The following SCFD1 variants were observed in gnomAD, a reference collection of about 807,000 sequenced individuals.
The protein encoded by SCFD1 is sec1 family domain containing 1.
A neutral mutation model predicts 103.2 loss-of-function variants in SCFD1; 37 were observed. That is an observed-to-expected ratio of 0.36 (90% CI 0.28 to 0.47). The LOEUF (loss-of-function observed/expected upper bound fraction) is 0.47, where lower values mean the gene tolerates loss of function less well. Among genes scored for constraint, SCFD1 ranks in the 20% least tolerant of loss-of-function variants. SCFD1 has a pLI of 1.00. For missense variants in SCFD1, 639 were observed against 761.2 expected (o/e 0.84, Z 1.89); for synonymous variants, 264 against 245.0 (o/e 1.08, Z -0.73).
At chr14:30,644,707 G>A (rs1295406232) in intron 7 of SCFD1, among the ~76,000 whole-genome samples, 1 of 151,842 alleles carries the variant, frequency 6.6e-6, no homozygotes. Flanking sequence ...GGTTGTTTTT[G>A]CTTGTCGATT....
intron 23 of SCFD1, among the ~76,000 whole-genome samples, chr14:30,731,755 T>C (rs1302233992): frequency 6.6e-6 from 1 of 152,214 alleles, no homozygotes; most frequent in Non-Finnish European, 1.5e-5. Flanking sequence ...GATTTTGGGC[T>C]GAGATAATGG....
intron 23 of SCFD1, among the ~76,000 whole-genome samples, chr14:30,723,773 C>A (rs1419825718): frequency 6.6e-6 from 1 of 151,934 alleles, no homozygotes; most frequent in Non-Finnish European, 1.5e-5. Context: ...ATATATGTAC[C>A]ACATTTTCTT....
intron 7 of SCFD1, among the ~76,000 whole-genome samples, chr14:30,649,168 A>C (rs1886158312): frequency 6.6e-6 from 1 of 152,060 alleles, no homozygotes. Flanking sequence ...TTGAAATTAT[A>C]AATCCTTTTA....
chr14:30,646,445 G>T (rs899092113), intron 7 of SCFD1, among the ~76,000 whole-genome samples: 14 of 151,832 alleles, frequency 9.2e-5, no homozygotes, highest in Non-Finnish European at 4.4e-5. Context: ...TGATTTGCAT[G>T]TGTTGAATCA....
At chr14:30,722,097 A>G (rs1215754955) in intron 22 of SCFD1, among the ~76,000 whole-genome samples, 180 bp downstream of exon 22, 4 of 152,186 alleles carry the variant, frequency 2.6e-5, no homozygotes, top group Non-Finnish European at 1.5e-5. Flanking sequence ...GCTTAAAAAT[A>G]ACGGACAATT....
intron 3 of SCFD1, among the ~76,000 whole-genome samples, chr14:30,632,701 G>A (rs1469376419): frequency 6.6e-6 from 1 of 152,186 alleles, no homozygotes; most frequent in African/African-American, 2.4e-5. Context: ...AAGGACTGAA[G>A]TTTAGAAGGC....
intron 10 of SCFD1, among the ~76,000 whole-genome samples, chr14:30,666,143 A>G (rs558334534): frequency 6.6e-6 from 1 of 152,326 alleles, no homozygotes; most frequent in African/African-American, 2.4e-5. Flanking sequence ...AAAACTGACC[A>G]CATAGTTGGT....
At chr14:30,719,479 T>C in intron 21 of SCFD1, 102 bp downstream of exon 21, 3 of 767,656 alleles carry the variant, frequency 3.9e-6, no homozygotes, top group Non-Finnish European at 4.3e-6. Context: ...CCAAACTATA[T>C]GGAAAACTCG....
At chr14:30,693,532 G>C (rs1320930563) in intron 14 of SCFD1, among the ~76,000 whole-genome samples, 2 of 152,140 alleles carry the variant, frequency 1.3e-5, no homozygotes, top group South Asian at 2.1e-4. Context: ...TTAGTCTACT[G>C]TTTAGATGTT....
chr14:30,670,453 A>G, intron 11 of SCFD1, 58 bp downstream of exon 11: 1 of 1,255,262 alleles, frequency 8.0e-7, no homozygotes, highest in Non-Finnish European at 1.1e-6. Context: ...TTAAGGTGTC[A>G]TCCACCTTAA....
intron 10 of SCFD1, among the ~76,000 whole-genome samples, chr14:30,664,585 A>G (rs1347998822): frequency 1.3e-5 from 2 of 151,986 alleles, no homozygotes; most frequent in African/African-American, 4.8e-5. Flanking sequence ...GTCGATAATA[A>G]CAAGTTTCTC....
chr14:30,733,024 G>GAGAC (rs1893589916), intron 23 of SCFD1, among the ~76,000 whole-genome samples: 1 of 98,092 alleles, frequency 1.0e-5, no homozygotes, highest in Non-Finnish European at 2.0e-5. Flanking sequence ...TTTTTTTTTT[G>GAGAC]AGACAGAGTC....
intron 15 of SCFD1, among the ~76,000 whole-genome samples, chr14:30,698,799 T>C (rs1890875234): frequency 6.6e-6 from 1 of 152,094 alleles, no homozygotes; most frequent in African/African-American, 2.4e-5. Flanking sequence ...AGGAAGGAGC[T>C]CAGGAAAGTA....
chr14:30,693,162 C>T (rs1890441518), intron 14 of SCFD1, among the ~76,000 whole-genome samples: 1 of 152,084 alleles, frequency 6.6e-6, no homozygotes, highest in South Asian at 2.1e-4. Flanking sequence ...GAATCCTCTA[C>T]ATGCTGATGT....
In SCFD1 at chr14:30,694,840, C is replaced by G; in HGVS notation, c.1310C>G (p.Ser437Cys). The G allele has an allele frequency of 6.3e-7, 1 of 1,585,818 alleles. No homozygotes were observed. The highest frequency in any genetic ancestry group is 8.5e-7 in the Non-Finnish European group (1 of 1,171,358). ...KIMSKTTLDK[S>C]LLDIISDPDA... Reference sequence around the variant, plus strand: ...ATGAGCAAAACTACTCTGGATAAATCTCTTCTAGATATAATATCAGACCCT... The same window carrying G: ...ATGAGCAAAACTACTCTGGATAAATGTCTTCTAGATATAATATCAGACCCT... Residue 437 changes from serine to cysteine, a missense_variant, in exon 15 of 25, where the codon TCT becomes TGT. Ser to Cys is a moderately radical substitution (Grantham distance 112). Coordinates refer to ENST00000458591, the MANE Select transcript of SCFD1 (RefSeq NM_016106.4).
At chr14:30,684,106 C>A (rs1254999048) in intron 14 of SCFD1, among the ~76,000 whole-genome samples, 1 of 152,158 alleles carries the variant, frequency 6.6e-6, no homozygotes, top group Non-Finnish European at 1.5e-5. Flanking sequence ...TCTTTTGTGT[C>A]CTTTCTTGGT....
Position 30,710,332 on chromosome 14 carries a change from TAAAAAAA to T in SCFD1, c.1629+2284_1629+2290del, listed in dbSNP as rs397853428. Among the ~76,000 whole-genome samples, 26 of 82,026 alleles carry T rather than the reference TAAAAAAA, an allele frequency of 3.2e-4. 1 individual carries two copies. Among genetic ancestry groups the T allele is most frequent in the Middle Eastern group, 8.3e-3 (1 of 120 alleles). 53.8% of individuals were successfully genotyped at this position (82,026 alleles called of 152,430 possible). A position where few individuals can be genotyped will look rare whatever the true frequency, so the allele number is the denominator to read the frequency against. On this transcript the variant is annotated intron_variant, in intron 19 of 24. Transcript: ENST00000458591. ...ACCACTACCAGAAGAGCCATGTCATTAAAAAAAAAAAAAAAAAAAAAAAGTTCAGAAT... is the reference window on the plus strand; with the variant it reads ...ACCACTACCAGAAGAGCCATGTCATTAAAAAAAAAAAAAAAAGTTCAGAAT...
rs111757345 is a variant in SCFD1, at chr14:30,627,418, C to G, written c.62-791C>G. Among the ~76,000 whole-genome samples, 432 of 152,170 alleles carry G rather than the reference C, an allele frequency of 2.8e-3. 2 individuals carry two copies. The highest frequency in any genetic ancestry group is 9.0e-3 in the African/African-American group (372 of 41,518). ...CTGTATGAAGGTTTTGTATATGAACCAATTGAATATGCCATGGATAATTTT... is the reference window on the plus strand; with the variant it reads ...CTGTATGAAGGTTTTGTATATGAACGAATTGAATATGCCATGGATAATTTT... On this transcript the variant is annotated intron_variant, in intron 1 of 24. Coordinates refer to ENST00000458591, the MANE Select transcript of SCFD1 (RefSeq NM_016106.4).
At chr14:30,714,751 TA>T (rs1418117819) in intron 19 of SCFD1, among the ~76,000 whole-genome samples, 3 of 152,354 alleles carry the variant, frequency 2.0e-5, no homozygotes, top group African/African-American at 7.2e-5. Context: ...GTTTTTGTTG[TA>T]TGAAGTCTCT....
Sources: gnomAD v4.1 joint callset for allele counts (sites outside exome capture counted in the v4.1 genomes callset) on GRCh38, gnomAD v4.1.1 for gene constraint, MANE v1.5 for transcripts, NCBI Gene and HGNC (gene_info 2026-07-23, HGNC 2026-07-21) for gene names.